SP100: variants seen among roughly 807,000 people sequenced by gnomAD.
SP100 encodes the protein SP100 nuclear body protein.
SP100 carries 84 observed loss-of-function variants against 130.0 expected under a neutral mutation model. The observed-to-expected ratio is 0.65, with a 90% CI of 0.54 to 0.77. The LOEUF is 0.77. Ranked by LOEUF, SP100 falls within the 30% of genes least tolerant of loss-of-function variation. The pLI is 0.00. For missense variants in SP100, 978 were observed against 1,052.2 expected, an observed-to-expected ratio of 0.93 and a Z score of 0.97; for synonymous variants, 331 against 351.7, an observed-to-expected ratio of 0.94 and a Z score of 0.66.
chr2:230,447,024 A>G, intron 5 of SP100, 122 bp downstream of exon 5: 2 of 614,484 alleles, frequency 3.3e-6, no homozygotes, highest in Non-Finnish European at 5.7e-6. Context: ...AGAGAGTTAT[A>G]TGAGCTTCTA....
At chr2:230,503,937 C>A (rs1413208520) in intron 20 of SP100, among the ~76,000 whole-genome samples, 1 of 152,124 alleles carries the variant, frequency 6.6e-6, no homozygotes, top group Non-Finnish European at 1.5e-5. Context: ...TATGACCAAC[C>A]AGCTTGAAAG....
intron 8 of SP100, among the ~76,000 whole-genome samples, chr2:230,454,714 C>T (rs548367557): frequency 6.6e-6 from 1 of 152,200 alleles, no homozygotes; most frequent in South Asian, 2.1e-4. Context: ...TATGATGTAT[C>T]CTGTAGAATG....
At chr2:230,459,783 G>C (rs2064485417) in intron 8 of SP100, among the ~76,000 whole-genome samples, 1 of 152,114 alleles carries the variant, frequency 6.6e-6, no homozygotes, top group Non-Finnish European at 1.5e-5. Flanking sequence ...CTCCTGTCTG[G>C]CCCCCAGTCT....
chr2:230,497,410 G>A (rs1041785619), intron 18 of SP100, among the ~76,000 whole-genome samples: 5 of 147,632 alleles, frequency 3.4e-5, no homozygotes, highest in African/African-American at 1.2e-4. Flanking sequence ...GAGATGGTGT[G>A]AGGAGGGAAA....
At chr2:230,463,170 A>G (rs2064755451) in intron 10 of SP100, among the ~76,000 whole-genome samples, 1 of 152,258 alleles carries the variant, frequency 6.6e-6, no homozygotes, top group Non-Finnish European at 1.5e-5. Context: ...AGAGAACACA[A>G]TTGCATAAAT....
intron 24 of SP100, among the ~76,000 whole-genome samples, chr2:230,528,329 T>G (rs1691527555): frequency 6.6e-6 from 1 of 152,118 alleles, no homozygotes; most frequent in South Asian, 2.1e-4. Context: ...TGAATGAGTA[T>G]GGGTAAATAA....
At chr2:230,502,998 G>A (rs2067122009) in intron 19 of SP100, 68 bp from the exon 20 acceptor site, 2 of 1,199,148 alleles carry the variant, frequency 1.7e-6, no homozygotes, top group African/African-American at 3.1e-5. Context: ...GCATTTGAAT[G>A]GTGGTTTTGT....
intron 24 of SP100, among the ~76,000 whole-genome samples, chr2:230,524,388 G>A: frequency 1.3e-5 from 2 of 148,832 alleles, no homozygotes; most frequent in Non-Finnish European, 1.5e-5. Flanking sequence ...GAAAAGAAAA[G>A]GAAAAAAAAC....
At chr2:230,483,547 C>T (rs2065927932) in intron 17 of SP100, among the ~76,000 whole-genome samples, 1 of 152,128 alleles carries the variant, frequency 6.6e-6, no homozygotes, top group Admixed American at 6.5e-5. Context: ...GGACTATAAT[C>T]TGAATTACGT....
intron 17 of SP100, among the ~76,000 whole-genome samples, chr2:230,485,048 G>A (rs1326424942): frequency 6.6e-6 from 1 of 152,048 alleles, no homozygotes; most frequent in Non-Finnish European, 1.5e-5. Context: ...TCCTGCTTCA[G>A]CCTCCCAAGT....
intron 2 of SP100, among the ~76,000 whole-genome samples, chr2:230,434,168 A>G (rs1173278078): frequency 6.6e-6 from 1 of 152,070 alleles, no homozygotes; most frequent in Non-Finnish European, 1.5e-5. Context: ...AAATTAGATC[A>G]TAATATATTG....
intron 2 of SP100, among the ~76,000 whole-genome samples, chr2:230,437,094 C>T (rs536192304): frequency 6.6e-6 from 1 of 151,976 alleles, no homozygotes; most frequent in South Asian, 2.1e-4. Context: ...ATGTTTACTA[C>T]AACATTTGCT....
chr2:230,532,983 G>A lies in SP100; in HGVS notation c.2095-6284G>A, dbSNP rs145221687. On this transcript the variant is annotated intron_variant, in intron 24 of 28. Coordinates refer to ENST00000340126, the MANE Select transcript of SP100 (RefSeq NM_001080391.2). ...TTTAGTAGAGACGAGGTTTCATCAT[G>A]TTGGCCAGGCTGGTGTCGAACGCCT... 8.2e-3 allele frequency among the ~76,000 whole-genome samples: 1,249 copies of A among 152,254 alleles called. 17 individuals are homozygous for A. The highest frequency in any genetic ancestry group is 0.029 in the African/African-American group (1,184 of 41,538).
intron 24 of SP100, among the ~76,000 whole-genome samples, chr2:230,519,403 A>C (rs574884713): frequency 6.6e-6 from 1 of 152,284 alleles, no homozygotes; most frequent in East Asian, 1.9e-4. Context: ...TGATAATTTT[A>C]ATTGTTTCAT....
At chr2:230,435,256 T>TTATTTATTA (rs2063220164) in intron 2 of SP100, among the ~76,000 whole-genome samples, 1 of 152,220 alleles carries the variant, frequency 6.6e-6, no homozygotes. Flanking sequence ...TGTATTCATA[T>TTATTTATTA]GTTTATTAGA....
At position 230,539,259 on chromosome 2, in the gene SP100, C is replaced by T; in HGVS notation, c.2095-8C>T. The T allele has an allele frequency of 1.3e-6, 2 of 1,598,442 alleles. No individual in the cohort carries two copies. The highest frequency in any genetic ancestry group is 1.7e-6 in the Non-Finnish European group (2 of 1,165,758). ...TGATCCCGGTGATGTCTACATCTCC[C>T]CTTCTAGCCGGAAAACTCAAATATA... On this transcript the variant is annotated splice_region_variant and splice_polypyrimidine_tract_variant and intron_variant, in intron 24 of 28. Coordinates refer to ENST00000340126, the MANE Select transcript of SP100 (RefSeq NM_001080391.2).
In SP100 at chr2:230,470,066, A is replaced by G. The variant is rs759183429; in HGVS notation, c.1397A>G (p.Glu466Gly). ...SDLSNGEELQETCSSSLRRGS... is the reference protein window; with the variant it reads ...SDLSNGEELQGTCSSSLRRGS... ...CTGAGTAATGGAGAAGAGCTTCAGGAAACCTGCAGCTCATCCCTAAGAAGA... is the reference window on the plus strand; with the variant it reads ...CTGAGTAATGGAGAAGAGCTTCAGGGAACCTGCAGCTCATCCCTAAGAAGA... The change falls in exon 15 of 29, where the codon GAA (glutamate) becomes GGA (glycine). Residue 466 changes from glutamate to glycine, a missense_variant. By Grantham distance (98) the Glu-to-Gly change is moderately conservative. Transcript: ENST00000340126. 3.1e-6 allele frequency: 5 copies of G among 1,611,816 alleles called. No individual in the cohort carries two copies. The highest frequency in any genetic ancestry group is 1.7e-5 in the Admixed American group (1 of 59,796).
chr2:230,420,709 C>A (rs187232401), intron 2 of SP100, among the ~76,000 whole-genome samples: 5 of 151,702 alleles, frequency 3.3e-5, no homozygotes, highest in Non-Finnish European at 7.4e-5. Flanking sequence ...TTTATTAATT[C>A]GGTTATTAAT....
At chr2:230,492,850 C>T (rs1240914933) in intron 17 of SP100, among the ~76,000 whole-genome samples, 1 of 152,128 alleles carries the variant, frequency 6.6e-6, no homozygotes, top group Non-Finnish European at 1.5e-5. Context: ...AAATAGTTTG[C>T]TCATTCTTTG....
Sources: allele counts gnomAD v4.1 joint callset (sites outside exome capture counted in the v4.1 genomes callset), GRCh38; gene constraint gnomAD v4.1.1; transcripts MANE v1.5; gene names NCBI Gene and HGNC (gene_info 2026-07-23, HGNC 2026-07-21).